LRRFIP1: variants seen among roughly 807,000 people sequenced by gnomAD.
LRRFIP1 encodes leucine-rich repeat flightless-interacting protein 1.
Under a neutral mutation model 104.4 loss-of-function variants are expected in LRRFIP1, and 62 were observed. The ratio of observed to expected loss-of-function variants is 0.59; its 90% CI spans 0.48 to 0.73. The LOEUF (loss-of-function observed/expected upper bound fraction) is 0.73. LRRFIP1 is among the 30% of genes least tolerant of loss of function. The probability of loss-of-function intolerance (pLI) is 0.00; values close to 1 mark genes in which losing one functional copy is unlikely to be tolerated. For synonymous variants in LRRFIP1, 300 were observed against 299.0 expected, an observed-to-expected ratio of 1.00 and a Z score of -0.03; for missense variants, 796 against 824.5, an observed-to-expected ratio of 0.97 and a Z score of 0.42.
chr2:237,763,806 A>G lies in LRRFIP1; in HGVS notation c.1459+3601A>G, dbSNP rs1374888279. On this transcript the variant is annotated intron_variant, in intron 19 of 23. Transcript: ENST00000308482. ...AGGGCTGGTGGTGAAGAATTAGATG[A>G]AGGTGTTGCAAAAGATAATGCTAAA... 3.1e-6 allele frequency: 5 copies of G among 1,614,080 alleles called. No homozygotes were observed. The Admixed American group carries it at 6.7e-5, about 22-fold the overall frequency.
chr2:237,719,952 T>C (rs2094478861), intron 5 of LRRFIP1, among the ~76,000 whole-genome samples: 1 of 146,280 alleles, frequency 6.8e-6, no homozygotes, highest in African/African-American at 2.5e-5. Flanking sequence ...TTTTTTTTTT[T>C]TTTTTTTTTT....
At chr2:237,732,748 GT>G (rs1041166312) in intron 8 of LRRFIP1, among the ~76,000 whole-genome samples, 2 of 152,106 alleles carry the variant, frequency 1.3e-5, no homozygotes, top group East Asian at 3.8e-4. Flanking sequence ...GGTTTCATTT[GT>G]TTTTTTAAAA....
At position 237,649,780 on chromosome 2, in the gene LRRFIP1, G is replaced by C. The variant is rs1230489768; in HGVS notation, c.96+22040G>C. 6.6e-6 allele frequency among the ~76,000 whole-genome samples: 1 copy of C among 151,896 alleles called. No individual in the cohort carries two copies. The highest frequency in any genetic ancestry group is 6.6e-5 in the Admixed American group (1 of 15,258). On this transcript the variant is annotated intron_variant, in intron 1 of 23. Transcript: ENST00000308482. The surrounding 1 kb of genome is among the most constrained non-coding windows in gnomAD (Gnocchi z 4.1). ...TGTTGTTCAGGCCTCACCAGTCCTT[G>C]GTCATGCCACCCGGGCTGAGTTCAT...
chr2:237,778,395 G>T (rs1435141417), intron 23 of LRRFIP1, among the ~76,000 whole-genome samples: 1 of 152,132 alleles, frequency 6.6e-6, no homozygotes, highest in Non-Finnish European at 1.5e-5. Flanking sequence ...CTGCCCTGCT[G>T]CCTGTGGGTC....
At chr2:237,635,986 A>C (rs2083033697) in intron 1 of LRRFIP1, among the ~76,000 whole-genome samples, 1 of 151,730 alleles carries the variant, frequency 6.6e-6, no homozygotes, top group Admixed American at 6.6e-5. Flanking sequence ...GGTCCCAGCT[A>C]GTTGGGAGGC....
intron 19 of LRRFIP1, chr2:237,763,844 A>T (rs763041107): frequency 6.2e-7 from 1 of 1,614,242 alleles, no homozygotes; most frequent in East Asian, 2.2e-5. Flanking sequence ...AGATGGTGCC[A>T]CTCAAAGCAG....
At chr2:237,708,856 G>C in intron 2 of LRRFIP1, 1 of 671,066 alleles carries the variant, frequency 1.5e-6, no homozygotes, top group Non-Finnish European at 2.8e-6. Context: ...GAGGGGCTTA[G>C]AAGCCTCTTG....
At position 237,711,066 on chromosome 2, in the gene LRRFIP1, C is replaced by T. The variant is rs1158406768; in HGVS notation, c.183+2436C>T. Among the ~76,000 whole-genome samples the T allele has an allele frequency of 6.6e-6, 1 of 152,112 alleles. No individual in the cohort carries two copies. The highest frequency in any genetic ancestry group is 2.4e-5 in the African/African-American group (1 of 41,422). On this transcript the variant is annotated intron_variant, in intron 2 of 23. Transcript: ENST00000308482. The surrounding 1 kb of genome is among the most constrained non-coding windows in gnomAD (Gnocchi z 4.4). ...CCAGCTGGGGCAACATAATGAGACC[C>T]CTATCTCTTTCAAAAAGTAAAAAAA...
At chr2:237,673,395 G>A (rs895439922) in intron 1 of LRRFIP1, among the ~76,000 whole-genome samples, 2 of 152,166 alleles carry the variant, frequency 1.3e-5, no homozygotes, top group African/African-American at 4.8e-5. Flanking sequence ...GTGAAGCCTC[G>A]CCAGGGTCTC....
chr2:237,744,479 T>G (rs2150529141), intron 11 of LRRFIP1, among the ~76,000 whole-genome samples: 1 of 152,322 alleles, frequency 6.6e-6, no homozygotes, highest in Admixed American at 6.5e-5. Flanking sequence ...ACTTAGCGTT[T>G]TAGCCTCACC....
Position 237,733,716 on chromosome 2 carries a change from T to C in LRRFIP1, c.445-58T>C, listed in dbSNP as rs1559716877. 1.9e-6 allele frequency: 3 copies of C among 1,540,726 alleles called. No individual in the cohort carries two copies. In the African/African-American group the frequency reaches 4.1e-5, roughly 21 times the overall value. ...AAACTATCGTGATGGCCTTTTGCTG[T>C]CATTTGTTGCTGTTTTTTCAAGGCT... is the stretch of plus-strand genomic sequence containing the variant. On this transcript the variant is annotated intron_variant, in intron 8 of 23. Transcript: ENST00000308482.
At chr2:237,666,071 C>G (rs565636565) in intron 1 of LRRFIP1, among the ~76,000 whole-genome samples, 4 of 152,312 alleles carry the variant, frequency 2.6e-5, no homozygotes, top group African/African-American at 9.6e-5. Flanking sequence ...ACCGATTGTC[C>G]ACATGACCTC....
intron 1 of LRRFIP1, among the ~76,000 whole-genome samples, chr2:237,666,020 A>G (rs958193658): frequency 1.3e-5 from 2 of 152,234 alleles, no homozygotes; most frequent in Admixed American, 6.5e-5. Context: ...CCTGTTCACA[A>G]GCATGGACTC....
chr2:237,675,137 C>G (rs1039242214), intron 1 of LRRFIP1, among the ~76,000 whole-genome samples: 1 of 152,228 alleles, frequency 6.6e-6, no homozygotes, highest in South Asian at 2.1e-4. Flanking sequence ...CCTGAGCCCC[C>G]GCTCTGAGGT....
At chr2:237,745,806 C>T (rs1414168504) in intron 11 of LRRFIP1, among the ~76,000 whole-genome samples, 3 of 152,230 alleles carry the variant, frequency 2.0e-5, no homozygotes, top group South Asian at 4.2e-4. Flanking sequence ...CGTTTTACAC[C>T]GTGGAGCAAA....
At chr2:237,697,876 T>C (rs1002304756) in intron 1 of LRRFIP1, among the ~76,000 whole-genome samples, 1 of 152,204 alleles carries the variant, frequency 6.6e-6, no homozygotes, top group Non-Finnish European at 1.5e-5. Context: ...ATTTCCATCA[T>C]GTTGAGGCAA....
chr2:237,733,555 T>C lies in LRRFIP1; in HGVS notation c.445-219T>C, dbSNP rs567061858. On this transcript the variant is annotated intron_variant, in intron 8 of 23. Transcript: ENST00000308482. ...TAAAGATGCTGGGAAGTTTACTGTT[T>C]TAAAGTTAAAAATCATCTCAGTTAT... 6.6e-5 allele frequency among the ~76,000 whole-genome samples: 10 copies of C among 152,356 alleles called. No homozygotes were observed. In the East Asian group the frequency reaches 1.9e-3, roughly 29 times the overall value.
chr2:237,777,959 C>G (rs1054430726), intron 23 of LRRFIP1, among the ~76,000 whole-genome samples: 5 of 152,116 alleles, frequency 3.3e-5, no homozygotes, highest in Middle Eastern at 3.4e-3. Flanking sequence ...TAAAAAGTGT[C>G]TTCATTGTTG....
intron 11 of LRRFIP1, among the ~76,000 whole-genome samples, chr2:237,740,902 A>G (rs2095396481): frequency 6.6e-6 from 1 of 152,198 alleles, no homozygotes; most frequent in Non-Finnish European, 1.5e-5. Flanking sequence ...TATCTCCTCC[A>G]TCCAGCCATG....
Sources: allele counts gnomAD v4.1 joint callset (sites outside exome capture counted in the v4.1 genomes callset), GRCh38; gene constraint gnomAD v4.1.1; non-coding constraint Gnocchi (gnomAD v3.1); transcripts MANE v1.5; gene names NCBI Gene and HGNC (gene_info 2026-07-23, HGNC 2026-07-21).